The following C12orf75 variants were observed in gnomAD, a reference collection of about 807,000 sequenced individuals.
The protein encoded by C12orf75 is overexpressed in colon carcinoma 1 protein.
A neutral mutation model predicts 11.4 loss-of-function variants in C12orf75; 4 were observed. The observed-to-expected ratio is 0.35, with a 90% CI of 0.17 to 0.80. The LOEUF (loss-of-function observed/expected upper bound fraction) is 0.80, where lower values mean the gene tolerates loss of function less well. C12orf75 is among the 30% of genes least tolerant of loss of function. C12orf75 has a pLI of 0.52. For missense variants in C12orf75, 89 were observed against 80.4 expected (o/e 1.11, Z -0.41); for synonymous variants, 30 against 30.0 (o/e 1.00, Z 0.00).
At chr12:105,358,029 G>T (rs1472241309) in intron 2 of C12orf75, among the ~76,000 whole-genome samples, 4 of 152,000 alleles carry the variant, frequency 2.6e-5, no homozygotes, top group Non-Finnish European at 5.9e-5. Flanking sequence ...TGTATTTTTT[G>T]AAGAAACAGG....
intron 1 of C12orf75, among the ~76,000 whole-genome samples, chr12:105,347,277 A>G (rs1028091175): frequency 6.6e-6 from 1 of 152,216 alleles, no homozygotes; most frequent in Non-Finnish European, 1.5e-5. Context: ...GGATAGATGA[A>G]TGTATGAAGG....
chr12:105,346,191 C>T (rs1372180813), intron 1 of C12orf75, among the ~76,000 whole-genome samples: 1 of 152,016 alleles, frequency 6.6e-6, no homozygotes, highest in African/African-American at 2.4e-5. Flanking sequence ...TTGTCCCGGA[C>T]CAAACCAGTG....
intron 2 of C12orf75, among the ~76,000 whole-genome samples, chr12:105,349,244 T>C (rs1025623458): frequency 6.6e-6 from 1 of 152,166 alleles, no homozygotes; most frequent in Admixed American, 6.5e-5. Context: ...ACTACAGCAG[T>C]TCACTCTTTA....
chr12:105,358,836 A>G (rs1390518717), intron 2 of C12orf75, among the ~76,000 whole-genome samples: 2 of 152,218 alleles, frequency 1.3e-5, no homozygotes, highest in Non-Finnish European at 2.9e-5. Flanking sequence ...TAAATCCTTT[A>G]GTACTGGCTT....
chr12:105,368,796 A>G (rs1871554206), intron 5 of C12orf75, among the ~76,000 whole-genome samples: 1 of 152,142 alleles, frequency 6.6e-6, no homozygotes, highest in Non-Finnish European at 1.5e-5. Context: ...GTGGGTAGCT[A>G]CTTCTTTGAA....
chr12:105,364,214 T>C (rs1455496956), intron 2 of C12orf75, among the ~76,000 whole-genome samples: 1 of 152,218 alleles, frequency 6.6e-6, no homozygotes, highest in Admixed American at 6.5e-5. Context: ...CATTTCTCCA[T>C]TATCTATGCT....
At chr12:105,351,271 A>G (rs568216860) in intron 2 of C12orf75, among the ~76,000 whole-genome samples, 1 of 152,310 alleles carries the variant, frequency 6.6e-6, no homozygotes. Flanking sequence ...CCAAACCAGA[A>G]GGATTGGCCA....
chr12:105,345,754 T>C lies in C12orf75; in HGVS notation c.47-2848T>C, dbSNP rs533110711. Among the ~76,000 whole-genome samples, 192 of 145,146 alleles carry C rather than the reference T, an allele frequency of 1.3e-3. 1 individual carries two copies. The highest frequency in any genetic ancestry group is 4.6e-3 in the African/African-American group (184 of 39,856). On this transcript the variant is annotated intron_variant, in intron 1 of 5. Coordinates refer to ENST00000443585, the MANE Select transcript of C12orf75 (RefSeq NM_001145199.2). Reference sequence around the variant, plus strand: ...TCAACTCAATGCAACCTTTGCCTCCTGGGTTCAAGCAATTCTGCCTCAGCC... The same window carrying C: ...TCAACTCAATGCAACCTTTGCCTCCCGGGTTCAAGCAATTCTGCCTCAGCC...
chr12:105,352,638 C>A (rs545536943), intron 2 of C12orf75, among the ~76,000 whole-genome samples: 1 of 151,928 alleles, frequency 6.6e-6, no homozygotes, highest in African/African-American at 2.4e-5. Flanking sequence ...TATTTTTTGG[C>A]ATGGAGGAGG....
intron 1 of C12orf75, among the ~76,000 whole-genome samples, chr12:105,336,940 G>A (rs1278911601): frequency 6.6e-6 from 1 of 152,164 alleles, no homozygotes; most frequent in East Asian, 1.9e-4. Flanking sequence ...CGCTTGCTGT[G>A]TCTCCCCAGA....
At chr12:105,346,584 G>T (rs1035002010) in intron 1 of C12orf75, among the ~76,000 whole-genome samples, 4 of 152,014 alleles carry the variant, frequency 2.6e-5, no homozygotes, top group African/African-American at 9.7e-5. Context: ...TTTACATAAT[G>T]TATCATTTTA....
intron 1 of C12orf75, among the ~76,000 whole-genome samples, chr12:105,335,247 A>G (rs1300434868): frequency 6.6e-6 from 1 of 152,200 alleles, no homozygotes; most frequent in Non-Finnish European, 1.5e-5. Context: ...ATTTTAGATT[A>G]GTTATGTCCT....
intron 5 of C12orf75, among the ~76,000 whole-genome samples, chr12:105,370,188 G>A (rs185328069): frequency 6.6e-6 from 1 of 152,156 alleles, no homozygotes; most frequent in East Asian, 1.9e-4. Context: ...GCACAGAGGG[G>A]CTTAAGTGAT....
At chr12:105,339,357 T>G (rs984033951) in intron 1 of C12orf75, among the ~76,000 whole-genome samples, 1 of 151,792 alleles carries the variant, frequency 6.6e-6, no homozygotes. Flanking sequence ...TCTGATAATT[T>G]ATGCTGAAAG....
chr12:105,343,044 A>G (rs907060801), intron 1 of C12orf75, among the ~76,000 whole-genome samples: 3 of 152,162 alleles, frequency 2.0e-5, no homozygotes, highest in South Asian at 2.1e-4. Flanking sequence ...TTTACATTCT[A>G]TTTACAATTT....
At position 105,367,473 on chromosome 12, in the gene C12orf75, T is replaced by G; in HGVS notation, c.189T>G (p.Asn63Lys). 1.2e-6 allele frequency: 1 copy of G among 849,914 alleles called. No homozygotes were observed. The highest frequency in any genetic ancestry group is 3.0e-5 in the East Asian group (1 of 33,882). 52.6% of individuals were successfully genotyped at this position (849,914 alleles called of 1,614,324 possible). The change falls in exon 5 of 6, where the codon AAT (asparagine) becomes AAG (lysine). Residue 63 changes from asparagine to lysine, a missense_variant and splice_region_variant. By Grantham distance (94) the Asn-to-Lys change is moderately conservative. Coordinates refer to ENST00000443585, the MANE Select transcript of C12orf75 (RefSeq NM_001145199.2). ...VSSQTKTVRKN is the reference protein window; with the variant it reads ...VSSQTKTVRKK ...ACTTTTCTTAATTTTCTCTTTAAGA[T>G]TAGAAGAAAATAACATCATGACTCA...
intron 2 of C12orf75, among the ~76,000 whole-genome samples, chr12:105,363,170 T>C (rs1892897414): frequency 6.6e-6 from 1 of 152,256 alleles, no homozygotes; most frequent in Non-Finnish European, 1.5e-5. Context: ...TGTTTATGAA[T>C]TACATGGCTT....
chr12:105,359,018 C>T (rs1442411458), intron 2 of C12orf75, among the ~76,000 whole-genome samples: 1 of 152,168 alleles, frequency 6.6e-6, no homozygotes, highest in Non-Finnish European at 1.5e-5. Context: ...TAGCATAGCT[C>T]CCCTAGCAAG....
intron 5 of C12orf75, among the ~76,000 whole-genome samples, chr12:105,367,887 G>GTAT (rs933826732): frequency 6.6e-6 from 1 of 152,106 alleles, no homozygotes; most frequent in African/African-American, 2.4e-5. Flanking sequence ...ATTTTAAGTG[G>GTAT]TATTAGCCAG....
Sources: gnomAD v4.1 joint callset for allele counts (sites outside exome capture counted in the v4.1 genomes callset) on GRCh38, gnomAD v4.1.1 for gene constraint, MANE v1.5 for transcripts, NCBI Gene and HGNC (gene_info 2026-07-23, HGNC 2026-07-21) for gene names.